The following FBLN1 variants were observed in gnomAD, a reference collection of about 807,000 sequenced individuals.
The protein encoded by FBLN1 is fibulin 1.
In FBLN1, 34 loss-of-function variants were observed where a neutral mutation model predicts 89.7. The ratio of observed to expected loss-of-function variants is 0.38; its 90% CI spans 0.29 to 0.50. The LOEUF (loss-of-function observed/expected upper bound fraction) is 0.50. Ranked by LOEUF, FBLN1 falls within the 20% of genes least tolerant of loss-of-function variation. FBLN1 has a pLI of 0.92. For synonymous variants in FBLN1, 393 were observed against 391.3 expected, an observed-to-expected ratio of 1.00 and a Z score of -0.05; for missense variants, 777 against 988.1, an observed-to-expected ratio of 0.79 and a Z score of 2.86.
chr22:45,581,629 G>A lies in FBLN1; in HGVS notation c.1972+4521G>A, dbSNP rs2089042684. 6.6e-6 allele frequency among the ~76,000 whole-genome samples: 1 copy of A among 152,072 alleles called. No homozygotes were observed. Among genetic ancestry groups the A allele is most frequent in the Non-Finnish European group, 1.5e-5 (1 of 68,020 alleles). ...GACCCTTGGGCCTCCCGGGTTGCAG[G>A]GAGCTACGGAGTTGTCTTTGTAGTT... On this transcript the variant is annotated intron_variant, in intron 16 of 16. Transcript: ENST00000327858. This position sits in a 1 kb window ranked among gnomAD's most constrained non-coding sequence, Gnocchi z 7.6.
intron 14 of FBLN1, chr22:45,564,914 C>T (rs1395421238): frequency 1.5e-5 from 24 of 1,613,972 alleles, no homozygotes; most frequent in Non-Finnish European, 1.9e-5. Context: ...GGCAGAACAC[C>T]CCAGCGGGAT....
chr22:45,589,891 G>C (rs996188310), intron 16 of FBLN1, among the ~76,000 whole-genome samples: 12 of 152,102 alleles, frequency 7.9e-5, no homozygotes, highest in Admixed American at 2.0e-4. Context: ...TTCAAAGTCA[G>C]TTCAAGGTTA....
In FBLN1 at chr22:45,581,540, G is replaced by A. The variant is rs1356676492; in HGVS notation, c.1972+4432G>A. 2.0e-5 allele frequency among the ~76,000 whole-genome samples: 3 copies of A among 152,200 alleles called. No homozygotes were observed. The highest frequency in any genetic ancestry group is 6.5e-5 in the Admixed American group (1 of 15,278). ...TAAAACCCTGCCAATGCCAACAGGA[G>A]CTACAGAGCCTGCAGGTGAAGTAAT... On this transcript the variant is annotated intron_variant, in intron 16 of 16. Transcript: ENST00000327858. The surrounding 1 kb of genome is among the most constrained non-coding windows in gnomAD (Gnocchi z 7.6).
At chr22:45,548,545 T>C (rs1488335443) in intron 12 of FBLN1, 68 bp from the exon 13 acceptor site, 2 of 1,606,270 alleles carry the variant, frequency 1.2e-6, no homozygotes, top group African/African-American at 2.7e-5. Flanking sequence ...CCCAGGGCGA[T>C]GTAGCATGGC....
rs145140900 is a variant in FBLN1, at chr22:45,589,804, T to A, written c.1973-10503T>A. ...AAACTGAGAGCACCAAGCTGCCTCA[T>A]GTCTCCACCCTCCCCGCAGAGCACC... On this transcript the variant is annotated intron_variant, in intron 16 of 16. Coordinates refer to ENST00000327858, the MANE Select transcript of FBLN1 (RefSeq NM_006486.3). Among the ~76,000 whole-genome samples, 59 of 152,062 alleles carry A rather than the reference T, an allele frequency of 3.9e-4. 1 individual carries two copies. In the East Asian group the frequency reaches 0.011, roughly 29 times the overall value.
At chr22:45,516,010 G>A (rs1420254548) in intron 1 of FBLN1, among the ~76,000 whole-genome samples, 1 of 152,218 alleles carries the variant, frequency 6.6e-6, no homozygotes, top group Admixed American at 6.5e-5. Context: ...GACATTTGTG[G>A]CTATGAGGGT....
At chr22:45,529,689 A>C (rs7287728) in intron 4 of FBLN1, among the ~76,000 whole-genome samples, 3,185 of 152,154 alleles carry the variant, frequency 0.021, 118 homozygotes, top group African/African-American at 0.073. Flanking sequence ...AACATGGGGA[A>C]ACCCTGTCTC....
Position 45,550,795 on chromosome 22 carries a change from G to A in FBLN1, c.1697+180G>A, listed in dbSNP as rs185122002. 3.7e-5 allele frequency: 31 copies of A among 833,130 alleles called. No individual in the cohort carries two copies. Among genetic ancestry groups the A allele is most frequent in the East Asian group, 5.2e-5 (2 of 38,794 alleles). The allele number at this position is 833,130 out of a possible 1,614,324, so 51.6% of individuals were successfully genotyped here. On this transcript the variant is annotated intron_variant, in intron 14 of 16. Transcript: ENST00000327858. This position sits in a 1 kb window ranked among gnomAD's most constrained non-coding sequence, Gnocchi z 8.4. ...CCTAAATGCTAGTGACACTGGTCTC[G>A]GAAAGTCAAGGGGGTAACTGCAAAT... is the stretch of plus-strand genomic sequence containing the variant.
intron 11 of FBLN1, among the ~76,000 whole-genome samples, chr22:45,546,053 G>A (rs909779009): frequency 2.6e-5 from 4 of 152,144 alleles, no homozygotes; most frequent in African/African-American, 4.8e-5. Context: ...AGGAGGCTGA[G>A]GCAGGAGAAC....
At position 45,563,409 on chromosome 22, in the gene FBLN1, G is replaced by T; in HGVS notation, c.1698-11102G>T. 2.0e-6 allele frequency: 3 copies of T among 1,507,560 alleles called. No individual in the cohort carries two copies. The South Asian group carries it at 3.7e-5, about 19-fold the overall frequency. 93.4% of individuals were successfully genotyped at this position (1,507,560 alleles called of 1,614,324 possible). On this transcript the variant is annotated intron_variant, in intron 14 of 16. Coordinates refer to ENST00000327858, the MANE Select transcript of FBLN1 (RefSeq NM_006486.3). This position sits in a 1 kb window ranked among gnomAD's most constrained non-coding sequence, Gnocchi z 5.7. Reference sequence around the variant, plus strand: ...TTTGGCATGGTTGGGAGTCTGTGCCGCTTGTTACCCGGGGGTGAGCTGGGC... The same window carrying T: ...TTTGGCATGGTTGGGAGTCTGTGCCTCTTGTTACCCGGGGGTGAGCTGGGC...
chr22:45,577,859 A>G lies in FBLN1; in HGVS notation c.1972+751A>G, dbSNP rs1404949067. ...AATGACAACCTACTCGTGTGAAAAAATATCCAGGCCCACTCCATTCCGCAC... is the reference window on the plus strand; with the variant it reads ...AATGACAACCTACTCGTGTGAAAAAGTATCCAGGCCCACTCCATTCCGCAC... On this transcript the variant is annotated intron_variant, in intron 16 of 16. Coordinates refer to ENST00000327858, the MANE Select transcript of FBLN1 (RefSeq NM_006486.3). The surrounding 1 kb of genome is among the most constrained non-coding windows in gnomAD (Gnocchi z 6.6). 1 of 155,426 alleles carries G rather than the reference A, an allele frequency of 6.4e-6. No homozygotes were observed. The highest frequency in any genetic ancestry group is 2.4e-5 in the African/African-American group (1 of 41,478). 9.6% of individuals were successfully genotyped at this position (155,426 alleles called of 1,614,324 possible).
At position 45,574,414 on chromosome 22, in the gene FBLN1, T is replaced by G. The variant is rs546632327; in HGVS notation, c.1698-97T>G. The G allele has an allele frequency of 1.5e-6, 2 of 1,349,742 alleles. No individual in the cohort carries two copies. The highest frequency in any genetic ancestry group is 1.8e-5 in the Admixed American group (1 of 56,194). 83.6% of individuals were successfully genotyped at this position (1,349,742 alleles called of 1,614,324 possible). On this transcript the variant is annotated intron_variant, in intron 14 of 16. Transcript: ENST00000327858. The surrounding 1 kb of genome is among the most constrained non-coding windows in gnomAD (Gnocchi z 4.1). ...GAGCTGTCTCTGGGACAGATGCCCC[T>G]GCCCTGGCCACCTGCTCCTCCTCCC...
chr22:45,533,624 G>A, intron 6 of FBLN1, 137 bp from the exon 7 acceptor site: 1 of 939,296 alleles, frequency 1.1e-6, no homozygotes. Context: ...GCCCGGATGT[G>A]CACATGGTGG....
At position 45,576,899 on chromosome 22, in the gene FBLN1, T is replaced by C. The variant is rs185162927; in HGVS notation, c.1841-78T>C. On this transcript the variant is annotated intron_variant, in intron 15 of 16. Coordinates refer to ENST00000327858, the MANE Select transcript of FBLN1 (RefSeq NM_006486.3). This position sits in a 1 kb window ranked among gnomAD's most constrained non-coding sequence, Gnocchi z 5.2. ...GGGTTAGGTCTTCATTCCCCAAGGG[T>C]GAGTTCCTGGGGACGAGGCTGGGAC... 1,609 of 1,562,616 alleles carry C rather than the reference T, an allele frequency of 1.0e-3. 9 individuals are homozygous for C. In the African/African-American group the frequency reaches 0.013, roughly 12 times the overall value.
intron 14 of FBLN1, among the ~76,000 whole-genome samples, chr22:45,569,792 A>G (rs9626395): frequency 0.5 from 75,480 of 151,750 alleles, 19,063 homozygotes; most frequent in Middle Eastern, 0.6. Flanking sequence ...AAACCTGCCA[A>G]CACCTTGATC....
Position 45,550,510 on chromosome 22 carries a change from C to G in FBLN1, c.1592C>G (p.Thr531Ser), listed in dbSNP as rs2146994889. The change falls in exon 14 of 17, where the codon ACT (threonine) becomes AGT (serine). Residue 531 changes from threonine (T) to serine (S), a missense_variant. Physicochemically the swap from Thr to Ser is moderately conservative, Grantham distance 58. Coordinates refer to ENST00000327858, the MANE Select transcript of FBLN1 (RefSeq NM_006486.3). This position sits in a 1 kb window ranked among gnomAD's most constrained non-coding sequence, Gnocchi z 8.4. ...RNCQDIDECV[T>S]GIHNCSINET... The stretch of plus-strand genomic sequence containing the variant: ...CTTGCAGACATTGATGAGTGTGTGA[C>G]TGGCATCCACAACTGCTCCATCAAC... 6.2e-7 allele frequency: 1 copy of G among 1,614,122 alleles called. No homozygotes were observed. The highest frequency in any genetic ancestry group is 1.7e-5 in the Admixed American group (1 of 60,026).
In FBLN1 at chr22:45,527,926, A is replaced by C. The variant is rs770945093; in HGVS notation, c.401A>C (p.Tyr134Ser). The C allele has an allele frequency of 6.2e-7, 1 of 1,614,180 alleles. No individual in the cohort carries two copies. Among genetic ancestry groups the C allele is most frequent in the East Asian group, 2.2e-5 (1 of 44,870 alleles). ...QSCEYSLMVG[Y>S]QCGQVFQACC... ...TGCGAGTACAGCCTCATGGTTGGCT[A>C]CCAGTGTGGACAGGTCTTCCAGGCA... Residue 134 changes from tyrosine (Y) to serine (S), a missense_variant, in exon 4 of 17, where the codon TAC becomes TCC. By Grantham distance (144) the Tyr-to-Ser change is moderately radical. Transcript: ENST00000327858.
intron 4 of FBLN1, among the ~76,000 whole-genome samples, chr22:45,529,343 G>A (rs1472401988): frequency 1.3e-5 from 2 of 152,240 alleles, no homozygotes; most frequent in South Asian, 2.1e-4. Context: ...GCTCTCAGCT[G>A]TGTGCCCCCC....
rs1378431232 is a variant in FBLN1 at position 45,557,734 on chromosome 22, CAG to C, written c.1697+7124_1697+7125del. Among the ~76,000 whole-genome samples, 7 of 152,222 alleles carry C rather than the reference CAG, an allele frequency of 4.6e-5. No homozygotes were observed. The highest frequency in any genetic ancestry group is 1.7e-4 in the African/African-American group (7 of 41,456). On this transcript the variant is annotated intron_variant, in intron 14 of 16. Coordinates refer to ENST00000327858, the MANE Select transcript of FBLN1 (RefSeq NM_006486.3). The surrounding 1 kb of genome is among the most constrained non-coding windows in gnomAD (Gnocchi z 4.9). ...AATATCTTCACAGTTTTTGACCACT[CAG>C]AGAGGTCTATCCACATACCTCTTCC...
Sources: gnomAD v4.1 joint callset for allele counts (sites outside exome capture counted in the v4.1 genomes callset) on GRCh38, gnomAD v4.1.1 for gene constraint, Gnocchi (gnomAD v3.1) non-coding constraint, MANE v1.5 for transcripts, NCBI Gene and HGNC (gene_info 2026-07-23, HGNC 2026-07-21) for gene names.